Variants in MECOM observed in about 807,000 individuals in gnomAD.
The protein encoded by MECOM is MDS1 and EVI1 complex locus, also known as histone-lysine N-methyltransferase MECOM.
MECOM carries 13 observed loss-of-function variants against 116.3 expected under a neutral mutation model. The ratio of observed to expected loss-of-function variants is 0.11; its 90% CI spans 0.07 to 0.18. The LOEUF (loss-of-function observed/expected upper bound fraction) is 0.18. Ranked by LOEUF, MECOM falls within the 10% of genes least tolerant of loss-of-function variation. The pLI, the probability that MECOM is intolerant of heterozygous loss-of-function variation, is 1.00. For missense variants in MECOM, 1,299 were observed against 1,509.0 expected (o/e 0.86, Z 2.31); for synonymous variants, 528 against 535.2 (o/e 0.99, Z 0.19).
chr3:169,410,384 G>A (rs1407875068), intron 1 of MECOM, among the ~76,000 whole-genome samples: 2 of 152,130 alleles, frequency 1.3e-5, no homozygotes, highest in East Asian at 1.9e-4. Flanking sequence ...AATAAAGACC[G>A]ACTTTTCTTT....
At chr3:169,572,055 C>T (rs1763970921) in intron 1 of MECOM, among the ~76,000 whole-genome samples, 1 of 152,156 alleles carries the variant, frequency 6.6e-6, no homozygotes, top group South Asian at 2.1e-4. Context: ...GAACAGGCAA[C>T]CTACAGAATG....
intron 1 of MECOM, among the ~76,000 whole-genome samples, chr3:169,408,924 C>T (rs546674386): frequency 6.6e-6 from 1 of 152,116 alleles, no homozygotes; most frequent in African/African-American, 2.4e-5. Flanking sequence ...ATCCCAGTCT[C>T]CTCACAGCTA....
chr3:169,545,928 A>C (rs2109264030), intron 1 of MECOM, among the ~76,000 whole-genome samples: 1 of 152,144 alleles, frequency 6.6e-6, no homozygotes, highest in Non-Finnish European at 1.5e-5. Context: ...CCTCAACAGG[A>C]ATGATTTGAG....
intron 1 of MECOM, among the ~76,000 whole-genome samples, chr3:169,577,611 A>AAATG (rs1265947191): frequency 3.9e-5 from 6 of 152,140 alleles, no homozygotes; most frequent in Non-Finnish European, 7.4e-5. Context: ...TGGAGGTGTT[A>AAATG]AATGAATGAA....
At chr3:169,210,387 T>A (rs1040311778) in intron 2 of MECOM, among the ~76,000 whole-genome samples, 8 of 152,054 alleles carry the variant, frequency 5.3e-5, no homozygotes, top group Admixed American at 4.6e-4. Flanking sequence ...CAAAAATAGC[T>A]GTACCAAGAA....
intron 3 of MECOM, among the ~76,000 whole-genome samples, chr3:169,140,183 C>T (rs903915511): frequency 2.0e-5 from 3 of 152,054 alleles, no homozygotes; most frequent in Non-Finnish European, 4.4e-5. Context: ...CCAATTCTTG[C>T]TCCTGAAAGC....
chr3:169,541,314 A>C (rs1680875728), intron 1 of MECOM, among the ~76,000 whole-genome samples: 2 of 152,200 alleles, frequency 1.3e-5, no homozygotes, highest in South Asian at 4.1e-4. Flanking sequence ...AATTGAACAA[A>C]AAATGGTTCA....
At chr3:169,575,054 C>A (rs559061565) in intron 1 of MECOM, among the ~76,000 whole-genome samples, 2 of 152,200 alleles carry the variant, frequency 1.3e-5, no homozygotes, top group East Asian at 1.9e-4. Flanking sequence ...AAAGAACAGA[C>A]CCTTCTTAAC....
At chr3:169,261,021 C>A (rs1265428220) in intron 2 of MECOM, among the ~76,000 whole-genome samples, 1 of 152,064 alleles carries the variant, frequency 6.6e-6, no homozygotes, top group Non-Finnish European at 1.5e-5. Context: ...GATAATAGAG[C>A]ACTTTTTTTT....
At chr3:169,103,456 G>A (rs1724279730) in intron 10 of MECOM, among the ~76,000 whole-genome samples, 1 of 152,036 alleles carries the variant, frequency 6.6e-6, no homozygotes, top group Non-Finnish European at 1.5e-5. Context: ...TGATTCTCAG[G>A]GCAGTGTGCC....
chr3:169,252,111 G>A (rs936236268), intron 2 of MECOM, among the ~76,000 whole-genome samples: 3 of 152,110 alleles, frequency 2.0e-5, no homozygotes, highest in Non-Finnish European at 4.4e-5. Context: ...AAAAATTTAG[G>A]AGAGATGGCT....
chr3:169,491,120 G>A (rs957570285), intron 1 of MECOM, among the ~76,000 whole-genome samples: 1 of 152,118 alleles, frequency 6.6e-6, no homozygotes, highest in African/African-American at 2.4e-5. Flanking sequence ...GCTTCCCAAA[G>A]TGCTGGGATT....
At chr3:169,476,948 A>C (rs1461736296) in intron 1 of MECOM, 1 of 150,964 alleles carries the variant, frequency 6.6e-6, no homozygotes, top group Non-Finnish European at 1.5e-5. Context: ...AAGAGAGATG[A>C]GACAACGGAC....
At chr3:169,212,566 C>A (rs189502474) in intron 2 of MECOM, among the ~76,000 whole-genome samples, 28 of 144,424 alleles carry the variant, frequency 1.9e-4, no homozygotes, top group Non-Finnish European at 3.9e-4. Flanking sequence ...ACATCTGTAA[C>A]AATGTTAAAT....
intron 2 of MECOM, among the ~76,000 whole-genome samples, chr3:169,201,578 A>G (rs1053227716): frequency 4.6e-5 from 7 of 152,074 alleles, no homozygotes; most frequent in African/African-American, 1.7e-4. Context: ...TGAAGTTTAG[A>G]AATGGGTTCA....
At chr3:169,129,725 C>T (rs946625768) in intron 4 of MECOM, among the ~76,000 whole-genome samples, 1 of 152,138 alleles carries the variant, frequency 6.6e-6, no homozygotes, top group Non-Finnish European at 1.5e-5. Context: ...TAGGCCACAT[C>T]ATGCATGGAA....
intron 2 of MECOM, among the ~76,000 whole-genome samples, chr3:169,344,430 G>T (rs1465312376): frequency 6.6e-6 from 1 of 152,002 alleles, no homozygotes; most frequent in East Asian, 1.9e-4. Flanking sequence ...GTGCTCAAGC[G>T]GGACAAATAA....
In MECOM at chr3:169,533,508, G is replaced by A. The variant is rs914500320; in HGVS notation, c.37+129828C>T. Reference sequence around the variant, plus strand: ...TGCATGGGTCTATTTGGAGGGGGACGTGTAAGGTAAAGGATGAATTTTCAC... The same window carrying A: ...TGCATGGGTCTATTTGGAGGGGGACATGTAAGGTAAAGGATGAATTTTCAC... On this transcript the variant is annotated intron_variant, in intron 1 of 16. Coordinates refer to ENST00000651503, the MANE Select transcript of MECOM (RefSeq NM_004991.4). Among the ~76,000 whole-genome samples the A allele has an allele frequency of 1.7e-4, 25 of 151,108 alleles. No individual in the cohort carries two copies. The East Asian group carries it at 3.3e-3, about 20-fold the overall frequency.
At chr3:169,535,212 T>C (rs537529022) in intron 1 of MECOM, among the ~76,000 whole-genome samples, 7 of 152,274 alleles carry the variant, frequency 4.6e-5, no homozygotes, top group East Asian at 1.9e-4. Flanking sequence ...TAGGCACCCA[T>C]TGGAGTCAGG....
Sources: gnomAD v4.1 joint callset for allele counts (sites outside exome capture counted in the v4.1 genomes callset) on GRCh38, gnomAD v4.1.1 for gene constraint, MANE v1.5 for transcripts, NCBI Gene and HGNC (gene_info 2026-07-23, HGNC 2026-07-21) for gene names.